The following DOCK4 variants were observed in gnomAD, a reference collection of about 807,000 sequenced individuals.
DOCK4 encodes the protein dedicator of cytokinesis 4, also known as dedicator of cytokinesis protein 4.
A neutral mutation model predicts 268.1 loss-of-function variants in DOCK4; 97 were observed. The ratio of observed to expected loss-of-function variants is 0.36; its 90% CI spans 0.31 to 0.43. The LOEUF (loss-of-function observed/expected upper bound fraction) is 0.43, where lower values mean the gene tolerates loss of function less well. Among genes scored for constraint, DOCK4 ranks in the 20% least tolerant of loss-of-function variants. The pLI, the probability that DOCK4 is intolerant of heterozygous loss-of-function variation, is 1.00. For synonymous variants in DOCK4, 954 were observed against 887.2 expected (o/e 1.08, Z -1.34); for missense variants, 2,145 against 2,455.7 (o/e 0.87, Z 2.67).
chr7:111,787,455 GA>G (rs1475868306), intron 32 of DOCK4, among the ~76,000 whole-genome samples: 1 of 151,952 alleles, frequency 6.6e-6, no homozygotes, highest in Non-Finnish European at 1.5e-5. Context: ...TACCATATCA[GA>G]AAAAAATGAT....
Position 112,078,780 on chromosome 7 carries a change from G to A in DOCK4, c.38-74649C>T, listed in dbSNP as rs375010130. ...ATACACGTATCTCCTGCAGAGTCTG[G>A]GTCTCTGCTCCAAACATAGACCAGT... On this transcript the variant is annotated intron_variant, in intron 1 of 52. Coordinates refer to ENST00000428084, the MANE Select transcript of DOCK4 (RefSeq NM_001363540.2). Among the ~76,000 whole-genome samples the A allele has an allele frequency of 7.9e-5, 12 of 152,180 alleles. No homozygotes were observed. The East Asian group carries it at 2.1e-3, about 27-fold the overall frequency.
chr7:111,869,447 A>T lies in DOCK4; in HGVS notation c.2109+127T>A, dbSNP rs1586222009. 6 of 831,708 alleles carry T rather than the reference A, an allele frequency of 7.2e-6. No homozygotes were observed. The East Asian group carries it at 1.7e-4, about 24-fold the overall frequency. 51.5% of individuals were successfully genotyped at this position (831,708 alleles called of 1,614,324 possible). ...CTCAAGCAGTCACAAACTGATTAAG[A>T]TCCTTGAATTGGAATGTCAGTAATA... On this transcript the variant is annotated intron_variant, in intron 21 of 52. Transcript: ENST00000428084.
In DOCK4 at chr7:111,758,780, T is replaced by C. The variant is rs1563462882; in HGVS notation, c.4173A>G (p.Ile1391Met). ...TCTCTGGAATGGGAGTCACAGCATA[T>C]ATCTGCAAATCTAGGATTCAAGAGT... The part of the protein sequence containing the change: ...IFQAEAQYLQ[I>M]YAVTPIPESQ... Residue 1391 changes from isoleucine to methionine, a missense_variant, in exon 41 of 53, where the codon ATA (isoleucine) becomes ATG (methionine). By Grantham distance (10) the Ile-to-Met change is conservative (BLOSUM62 1). Coordinates refer to ENST00000428084, the MANE Select transcript of DOCK4 (RefSeq NM_001363540.2). The C allele has an allele frequency of 3.7e-6, 6 of 1,613,776 alleles. No individual in the cohort carries two copies. The highest frequency in any genetic ancestry group is 1.7e-5 in the Admixed American group (1 of 60,010).
intron 51 of DOCK4, among the ~76,000 whole-genome samples, chr7:111,734,375 C>T (rs557958394): frequency 1.4e-4 from 22 of 152,138 alleles, no homozygotes; most frequent in African/African-American, 5.1e-4. Context: ...TTTGTAGAGA[C>T]GGGGTTTTGT....
chr7:112,199,028 T>C (rs1820702110), intron 1 of DOCK4, among the ~76,000 whole-genome samples: 1 of 152,176 alleles, frequency 6.6e-6, no homozygotes, highest in Non-Finnish European at 1.5e-5. Flanking sequence ...TCACATAAAC[T>C]TTAAGGGGTG....
Position 112,086,519 on chromosome 7 carries a change from C to T in DOCK4, c.38-82388G>A, listed in dbSNP as rs141497066. Among the ~76,000 whole-genome samples the T allele has an allele frequency of 7.2e-4, 110 of 152,208 alleles. 1 individual carries two copies. The highest frequency in any genetic ancestry group is 2.4e-3 in the African/African-American group (101 of 41,548). On this transcript the variant is annotated intron_variant, in intron 1 of 52. Transcript: ENST00000428084. ...AATACTTATTAAGTACCTACCTTCT[C>T]CTTACTGTCAAAACTCAAAGCTGTG...
At chr7:112,072,472 A>T (rs1452229758) in intron 1 of DOCK4, among the ~76,000 whole-genome samples, 1 of 152,174 alleles carries the variant, frequency 6.6e-6, no homozygotes, top group Non-Finnish European at 1.5e-5. Context: ...TGTTGGTAGG[A>T]ATGTAAAGTA....
rs138548243 is a variant in DOCK4 at position 112,099,550 on chromosome 7, G to T, written c.38-95419C>A. ...TCCCATGAGGTCAGGAAGGGTAACA[G>T]TTCTGCTGACAACTCAGCAACTATC... On this transcript the variant is annotated intron_variant, in intron 1 of 52. Coordinates refer to ENST00000428084, the MANE Select transcript of DOCK4 (RefSeq NM_001363540.2). Among the ~76,000 whole-genome samples the T allele has an allele frequency of 9.8e-4, 150 of 152,296 alleles. 1 individual carries two copies. Among genetic ancestry groups the T allele is most frequent in the African/African-American group, 3.5e-3 (145 of 41,566 alleles).
intron 12 of DOCK4, among the ~76,000 whole-genome samples, chr7:111,917,507 A>T (rs1792711179): frequency 6.6e-6 from 1 of 151,702 alleles, no homozygotes; most frequent in Non-Finnish European, 1.5e-5. Flanking sequence ...AGGTCAGGAG[A>T]TCAAGACCAT....
At chr7:111,776,296 C>A (rs1427332026) in intron 36 of DOCK4, among the ~76,000 whole-genome samples, 1 of 152,050 alleles carries the variant, frequency 6.6e-6, no homozygotes. Context: ...TAAAGGTGAA[C>A]ATTTTTGAAT....
At chr7:111,880,542 C>T (rs889548795) in intron 16 of DOCK4, among the ~76,000 whole-genome samples, 5 of 152,114 alleles carry the variant, frequency 3.3e-5, no homozygotes, top group African/African-American at 1.2e-4. Flanking sequence ...AGTAAACACA[C>T]AGAAAAACAC....
At chr7:111,829,847 C>T (rs1185131627) in intron 26 of DOCK4, among the ~76,000 whole-genome samples, 1 of 152,166 alleles carries the variant, frequency 6.6e-6, no homozygotes, top group African/African-American at 2.4e-5. Context: ...TTATAATCCA[C>T]TTGGCAGCAA....
At chr7:111,802,361 G>A (rs1023167389) in intron 30 of DOCK4, among the ~76,000 whole-genome samples, 1 of 152,124 alleles carries the variant, frequency 6.6e-6, no homozygotes, top group African/African-American at 2.4e-5. Flanking sequence ...TGGCTGCAGG[G>A]GCTCAAAGTC....
In DOCK4 at chr7:111,901,155, G is replaced by A. The variant is rs997076785; in HGVS notation, c.1317+522C>T. 6.8e-4 allele frequency among the ~76,000 whole-genome samples: 104 copies of A among 152,030 alleles called. 2 individuals are homozygous for A. The highest frequency in any genetic ancestry group is 6.7e-3 in the Admixed American group (103 of 15,266). Reference sequence around the variant, plus strand: ...TCGAGACCAGCCTGGCCAACACGGTGAAACCCTGTCTCTACTAAAAATACA... The same window carrying A: ...TCGAGACCAGCCTGGCCAACACGGTAAAACCCTGTCTCTACTAAAAATACA... On this transcript the variant is annotated intron_variant, in intron 14 of 52. Transcript: ENST00000428084.
At chr7:112,128,839 T>C (rs981159815) in intron 1 of DOCK4, among the ~76,000 whole-genome samples, 28 of 152,210 alleles carry the variant, frequency 1.8e-4, no homozygotes, top group South Asian at 4.2e-4. Context: ...GTTTATCTGC[T>C]GACCTTCCCT....
chr7:112,140,122 A>G (rs1563124012), intron 1 of DOCK4, among the ~76,000 whole-genome samples: 1 of 152,156 alleles, frequency 6.6e-6, no homozygotes, highest in Non-Finnish European at 1.5e-5. Context: ...TTCCCTCCCA[A>G]AAGTTTGCGA....
intron 2 of DOCK4, among the ~76,000 whole-genome samples, chr7:112,001,270 C>T (rs1177688047): frequency 1.3e-5 from 2 of 152,148 alleles, no homozygotes; most frequent in Non-Finnish European, 2.9e-5. Context: ...AAAAATACTA[C>T]ATGGAAAATT....
chr7:111,858,340 A>G (rs767442424), intron 23 of DOCK4, among the ~76,000 whole-genome samples: 1 of 152,008 alleles, frequency 6.6e-6, no homozygotes, highest in Non-Finnish European at 1.5e-5. Flanking sequence ...GTTAATTTTA[A>G]TGTGTCAACT....
At chr7:112,140,175 A>T (rs1255328928) in intron 1 of DOCK4, among the ~76,000 whole-genome samples, 1 of 152,148 alleles carries the variant, frequency 6.6e-6, no homozygotes, top group Non-Finnish European at 1.5e-5. Flanking sequence ...ACCCCATGAA[A>T]AACCAAGGAT....
Sources: gnomAD v4.1 joint callset for allele counts (sites outside exome capture counted in the v4.1 genomes callset) on GRCh38, gnomAD v4.1.1 for gene constraint, MANE v1.5 for transcripts, NCBI Gene and HGNC (gene_info 2026-07-23, HGNC 2026-07-21) for gene names.